Variants in TRAF5 observed in about 807,000 individuals in gnomAD.
TRAF5 encodes the protein TNF receptor associated factor 5.
In TRAF5, 48 loss-of-function variants were observed where a neutral mutation model predicts 64.5. That is an observed-to-expected ratio of 0.74 (90% CI 0.59 to 0.95). The LOEUF (loss-of-function observed/expected upper bound fraction) is 0.95, where lower values mean the gene tolerates loss of function less well. TRAF5 is among the 40% of genes least tolerant of loss of function. TRAF5 has a pLI of 0.00. For missense variants in TRAF5, 545 were observed against 662.8 expected (o/e 0.82, Z 1.95); for synonymous variants, 206 against 240.5 (o/e 0.86, Z 1.33).
chr1:211,330,364 C>A (rs1266370348), intron 1 of TRAF5, among the ~76,000 whole-genome samples: 2 of 150,866 alleles, frequency 1.3e-5, no homozygotes, highest in Non-Finnish European at 2.9e-5. Flanking sequence ...AATTTTTTTC[C>A]ATGGCTTTTT....
chr1:211,372,121 T>TTTTTTG lies in TRAF5; in HGVS notation c.1100-5_1100-4insTTTGTT. 1 of 1,532,208 alleles carries TTTTTTG rather than the reference T, an allele frequency of 6.5e-7. No homozygotes were observed. Among genetic ancestry groups the TTTTTTG allele is most frequent in the Non-Finnish European group, 8.8e-7 (1 of 1,140,998 alleles). The allele number at this position is 1,532,208 out of a possible 1,614,324, so 94.9% of individuals were successfully genotyped here. ...GAATCTTTTTTTTTTTTTTTTCTTA[T>TTTTTTG]TTGCAGCCGTTTTAGAAGAGGAAAC... On this transcript the variant is annotated splice_region_variant and splice_polypyrimidine_tract_variant and intron_variant, in intron 10 of 10. Transcript: ENST00000261464.
chr1:211,334,618 A>G (rs1702243272), intron 1 of TRAF5, among the ~76,000 whole-genome samples: 1 of 152,156 alleles, frequency 6.6e-6, no homozygotes, highest in South Asian at 2.1e-4. Context: ...AGATCGCACC[A>G]CTGCACTCCA....
chr1:211,326,752 C>G, upstream of TRAF5: 1 of 985,290 alleles, frequency 1.0e-6, no homozygotes, highest in African/African-American at 1.7e-5. The surrounding 1 kb of genome is among the most constrained non-coding windows in gnomAD (Gnocchi z 5.0). Flanking sequence ...TCTTCCCCTG[C>G]GCCCGCCCGC....
intron 1 of TRAF5, among the ~76,000 whole-genome samples, chr1:211,341,571 ACTGATGGGAT>A (rs1702448603): frequency 6.6e-6 from 1 of 152,192 alleles, no homozygotes; most frequent in South Asian, 2.1e-4. Context: ...TCAGAGAGGC[ACTGATGGGAT>A]CTGATAAAGG....
At chr1:211,339,357 C>T (rs903879424) in intron 1 of TRAF5, among the ~76,000 whole-genome samples, 8 of 152,274 alleles carry the variant, frequency 5.3e-5, no homozygotes, top group Admixed American at 5.2e-4. Flanking sequence ...AGAAGAGCTG[C>T]CAGAGGCCTG....
At chr1:211,372,032 G>A (rs1490877165) in intron 10 of TRAF5, 96 bp from the exon 11 acceptor site, 8 of 1,064,524 alleles carry the variant, frequency 7.5e-6, no homozygotes, top group Admixed American at 5.1e-5. Context: ...GGATTTTGTT[G>A]ATTCTCTTTC....
Position 211,373,854 on chromosome 1 carries a change from T to C in TRAF5, c.*1152T>C, listed in dbSNP as rs900769092. 2 of 152,330 alleles carry C rather than the reference T, an allele frequency of 1.3e-5. No individual in the cohort carries two copies. Among genetic ancestry groups the C allele is most frequent in the African/African-American group, 4.8e-5 (2 of 41,448 alleles). 9.4% of individuals were successfully genotyped at this position (152,330 alleles called of 1,614,324 possible). A position where few individuals can be genotyped will look rare whatever the true frequency, so the allele number is the denominator to read the frequency against. Reference sequence around the variant, plus strand: ...TTCAAGTGATTCTCCTGCCTCAGCCTCCTGAGTAGCTGGGATTACAGGCGC... The same window carrying C: ...TTCAAGTGATTCTCCTGCCTCAGCCCCCTGAGTAGCTGGGATTACAGGCGC... On this transcript the variant is annotated 3_prime_UTR_variant, in exon 11 of 11. Transcript: ENST00000261464.
chr1:211,344,462 G>A (rs1029028753), intron 1 of TRAF5, among the ~76,000 whole-genome samples: 7 of 152,204 alleles, frequency 4.6e-5, no homozygotes, highest in South Asian at 2.1e-4. Flanking sequence ...AGAACAGTGC[G>A]TCGGTGGACT....
intron 1 of TRAF5, among the ~76,000 whole-genome samples, chr1:211,339,990 T>C (rs1702404344): frequency 6.6e-6 from 1 of 152,204 alleles, no homozygotes; most frequent in Admixed American, 6.5e-5. Context: ...ACCGCTAGAA[T>C]GATGTTGACC....
chr1:211,362,413 C>T (rs1703214738), intron 7 of TRAF5, among the ~76,000 whole-genome samples: 1 of 152,116 alleles, frequency 6.6e-6, no homozygotes, highest in South Asian at 2.1e-4. Context: ...GGTGCGATGG[C>T]TTATGCCTGT....
intron 8 of TRAF5, among the ~76,000 whole-genome samples, chr1:211,366,108 A>G (rs1047431906): frequency 2.0e-5 from 3 of 152,208 alleles, no homozygotes; most frequent in African/African-American, 7.2e-5. Flanking sequence ...ATTTTTAGGA[A>G]AGTTAATTAT....
chr1:211,342,752 A>G (rs1239647068), intron 1 of TRAF5, among the ~76,000 whole-genome samples: 1 of 152,186 alleles, frequency 6.6e-6, no homozygotes, highest in Non-Finnish European at 1.5e-5. Context: ...GAACATGTGA[A>G]GCTTGTCTTT....
At chr1:211,332,964 G>C (rs1415358507) in intron 1 of TRAF5, among the ~76,000 whole-genome samples, 1 of 152,178 alleles carries the variant, frequency 6.6e-6, no homozygotes, top group African/African-American at 2.4e-5. Flanking sequence ...GCTGTGGACA[G>C]CCAGAGGCTA....
At chr1:211,353,987 G>A (rs1055198125) in intron 2 of TRAF5, among the ~76,000 whole-genome samples, 2 of 152,190 alleles carry the variant, frequency 1.3e-5, no homozygotes, top group Non-Finnish European at 2.9e-5. Context: ...TTTGAAAGGG[G>A]GTTATTACAG....
chr1:211,354,375 A>C (rs762493310), intron 2 of TRAF5, 35 bp from the exon 3 acceptor site: 2 of 1,609,456 alleles, frequency 1.2e-6, no homozygotes, highest in East Asian at 2.2e-5. Context: ...GAGGTAAACA[A>C]CTAACTCTGG....
intron 1 of TRAF5, among the ~76,000 whole-genome samples, chr1:211,352,245 C>T (rs1394096897): frequency 2.0e-5 from 3 of 151,978 alleles, no homozygotes; most frequent in Non-Finnish European, 4.4e-5. Flanking sequence ...ACATGGATGG[C>T]AGTAGGCAAA....
intron 7 of TRAF5, among the ~76,000 whole-genome samples, chr1:211,361,845 C>T (rs373752330): frequency 1.3e-4 from 20 of 151,592 alleles, no homozygotes; most frequent in African/African-American, 4.9e-4. Context: ...TTCAGGCACC[C>T]GCCATCATGC....
chr1:211,349,034 TAAAAAA>T (rs373131975), intron 1 of TRAF5, among the ~76,000 whole-genome samples: 10 of 84,668 alleles, frequency 1.2e-4, no homozygotes, highest in Admixed American at 1.1e-3. Flanking sequence ...ACTCTGTCTC[TAAAAAA>T]AAAAAAAAAA....
chr1:211,333,998 T>C (rs1434703808), intron 1 of TRAF5, among the ~76,000 whole-genome samples: 1 of 152,204 alleles, frequency 6.6e-6, no homozygotes, highest in African/African-American at 2.4e-5. Context: ...AGTGATTTGC[T>C]AGGAGAACTT....
Sources: gnomAD v4.1 joint callset for allele counts (sites outside exome capture counted in the v4.1 genomes callset) on GRCh38, gnomAD v4.1.1 for gene constraint, Gnocchi (gnomAD v3.1) non-coding constraint, MANE v1.5 for transcripts, NCBI Gene and HGNC (gene_info 2026-07-23, HGNC 2026-07-21) for gene names.